BACH2: variants seen among roughly 807,000 people sequenced by gnomAD.
BACH2 encodes the protein BACH transcriptional regulator 2.
Under a neutral mutation model 61.8 loss-of-function variants are expected in BACH2, and 5 were observed. The observed-to-expected ratio is 0.08, with a 90% confidence interval of 0.04 to 0.17. The LOEUF (loss-of-function observed/expected upper bound fraction) is 0.17, where lower values mean the gene tolerates loss of function less well. BACH2 is among the 10% of genes least tolerant of loss of function. The pLI is 1.00. For synonymous variants in BACH2, 446 were observed against 440.1 expected, an observed-to-expected ratio of 1.01 and a Z score of -0.17; for missense variants, 824 against 1,091.1, an observed-to-expected ratio of 0.76 and a Z score of 3.45.
At chr6:90,056,232 A>G (rs867704145) in intron 5 of BACH2, among the ~76,000 whole-genome samples, 38 of 152,346 alleles carry the variant, frequency 2.5e-4, no homozygotes, top group Admixed American at 7.2e-4. Context: ...AACCCATCTC[A>G]CGTGCAGAGA....
At chr6:90,181,553 T>A (rs549620621) in intron 4 of BACH2, among the ~76,000 whole-genome samples, 2 of 152,170 alleles carry the variant, frequency 1.3e-5, no homozygotes, top group Non-Finnish European at 2.9e-5. Flanking sequence ...TACAGCTATA[T>A]AATATTACAT....
At chr6:90,112,603 G>A (rs1330128168) in intron 4 of BACH2, among the ~76,000 whole-genome samples, 2 of 152,126 alleles carry the variant, frequency 1.3e-5, no homozygotes, top group African/African-American at 4.8e-5. Context: ...CTTGAAAGGT[G>A]CACAAAATAT....
chr6:90,236,968 G>A (rs1175228782), intron 3 of BACH2, among the ~76,000 whole-genome samples: 4 of 151,970 alleles, frequency 2.6e-5, no homozygotes, highest in African/African-American at 9.7e-5. Flanking sequence ...CTGTCGCCCA[G>A]GCTGGAGTGC....
chr6:90,173,356 T>C (rs890206544), intron 4 of BACH2, among the ~76,000 whole-genome samples: 1 of 152,186 alleles, frequency 6.6e-6, no homozygotes, highest in Non-Finnish European at 1.5e-5. Context: ...TGCATGTGAA[T>C]GTTCATAGCA....
At chr6:90,106,827 A>T (rs1443540561) in intron 4 of BACH2, among the ~76,000 whole-genome samples, 1 of 152,198 alleles carries the variant, frequency 6.6e-6, no homozygotes, top group Non-Finnish European at 1.5e-5. Flanking sequence ...TCTCAGGCCA[A>T]TCTGCCTCCT....
intron 4 of BACH2, among the ~76,000 whole-genome samples, chr6:90,110,078 C>T (rs1304010405): frequency 1.3e-5 from 2 of 152,196 alleles, no homozygotes; most frequent in Non-Finnish European, 2.9e-5. Context: ...TAGTATCTGG[C>T]TTAACAGAGG....
At chr6:90,263,992 A>G (rs1373085490) in intron 2 of BACH2, among the ~76,000 whole-genome samples, 1 of 152,216 alleles carries the variant, frequency 6.6e-6, no homozygotes, top group South Asian at 2.1e-4. Context: ...CTGACTTCAG[A>G]GCACCAGGAG....
At chr6:90,127,675 G>C (rs960093112) in intron 4 of BACH2, among the ~76,000 whole-genome samples, 1 of 152,164 alleles carries the variant, frequency 6.6e-6, no homozygotes, top group Non-Finnish European at 1.5e-5. Context: ...GAGATGTTTA[G>C]AGTTAAAAAA....
intron 3 of BACH2, among the ~76,000 whole-genome samples, chr6:90,209,535 A>G (rs1769271279): frequency 6.6e-6 from 1 of 152,208 alleles, no homozygotes. Context: ...ACAGCCTAGC[A>G]CTTAACTGGA....
chr6:90,071,460 G>GT (rs1246664954), intron 5 of BACH2, among the ~76,000 whole-genome samples: 1 of 152,230 alleles, frequency 6.6e-6, no homozygotes, highest in Non-Finnish European at 1.5e-5. Flanking sequence ...ACAACTCAAA[G>GT]TGAGAGTAAA....
intron 4 of BACH2, among the ~76,000 whole-genome samples, chr6:90,126,395 A>AGATACGGCACG (rs1399544415): frequency 6.6e-6 from 1 of 152,228 alleles, no homozygotes; most frequent in Admixed American, 6.5e-5. Flanking sequence ...TGCTACTGGC[A>AGATACGGCACG]GATACGGCAC....
At chr6:90,200,846 A>T (rs567258820) in intron 4 of BACH2, among the ~76,000 whole-genome samples, 157 of 152,292 alleles carry the variant, frequency 1.0e-3, no homozygotes, top group African/African-American at 3.6e-3. Flanking sequence ...TATTTTATTT[A>T]AAAATATTTT....
In BACH2 at chr6:90,263,037, A is replaced by T. The variant is rs1417155933; in HGVS notation, c.-353+8812T>A. On this transcript the variant is annotated intron_variant, in intron 2 of 8. Coordinates refer to ENST00000257749, the MANE Select transcript of BACH2 (RefSeq NM_021813.4). The stretch of plus-strand genomic sequence containing the variant: ...CACAGTTTGTAAATTTGATATGTAA[A>T]ATTGGAATTTAAAATAAAAAATCTC... Among the ~76,000 whole-genome samples, 3 of 152,246 alleles carry T rather than the reference A, an allele frequency of 2.0e-5. No individual in the cohort carries two copies. In the East Asian group the frequency reaches 5.8e-4, roughly 29 times the overall value.
chr6:90,246,092 T>TG (rs770572356), intron 3 of BACH2, among the ~76,000 whole-genome samples: 7 of 152,296 alleles, frequency 4.6e-5, no homozygotes, highest in Admixed American at 1.3e-4. Flanking sequence ...CAATGAACAG[T>TG]GGGTCCTTCA....
rs1004978791 is a variant in BACH2, at chr6:89,950,150, C to T, written c.1836+120G>A. On this transcript the variant is annotated intron_variant, in intron 7 of 8. Coordinates refer to ENST00000257749, the MANE Select transcript of BACH2 (RefSeq NM_021813.4). This position sits in a 1 kb window ranked among gnomAD's most constrained non-coding sequence, Gnocchi z 5.3. ...TCTGTGGATGGGGAAGGCAGTCTCT[C>T]TACTGTCATCTTTAATCTTAGCACG... is the stretch of plus-strand genomic sequence containing the variant. 3.3e-6 allele frequency: 4 copies of T among 1,198,180 alleles called. No individual in the cohort carries two copies. The allele number at this position is 1,198,180 out of a possible 1,614,324, so 74.2% of individuals were successfully genotyped here. A position where few individuals can be genotyped will look rare whatever the true frequency, so the allele number is the denominator to read the frequency against.
intron 4 of BACH2, among the ~76,000 whole-genome samples, chr6:90,123,016 G>A (rs1783695316): frequency 6.6e-6 from 1 of 152,150 alleles, no homozygotes; most frequent in South Asian, 2.1e-4. Flanking sequence ...GTTGAATTGA[G>A]GTCCCCAACA....
chr6:90,030,904 A>C (rs573263302), intron 5 of BACH2, among the ~76,000 whole-genome samples: 1 of 148,968 alleles, frequency 6.7e-6, no homozygotes, highest in Non-Finnish European at 1.5e-5. Flanking sequence ...ACAACAAAAA[A>C]AGAGAATTTT....
intron 3 of BACH2, among the ~76,000 whole-genome samples, chr6:90,219,232 G>T (rs1248543003): frequency 6.6e-6 from 1 of 152,136 alleles, no homozygotes; most frequent in Non-Finnish European, 1.5e-5. Flanking sequence ...TGGGTATTAA[G>T]CACTTAGGTT....
chr6:89,973,553 T>C (rs1165594240), intron 6 of BACH2, among the ~76,000 whole-genome samples: 1 of 152,218 alleles, frequency 6.6e-6, no homozygotes, highest in African/African-American at 2.4e-5. Flanking sequence ...AGGACCCTTG[T>C]AATCATTCAG....
Sources: gnomAD v4.1 joint callset for allele counts (sites outside exome capture counted in the v4.1 genomes callset) on GRCh38, gnomAD v4.1.1 for gene constraint, Gnocchi (gnomAD v3.1) non-coding constraint, MANE v1.5 for transcripts, NCBI Gene and HGNC (gene_info 2026-07-23, HGNC 2026-07-21) for gene names.